The following USH2A variants were observed in gnomAD, a reference collection of about 807,000 sequenced individuals.
USH2A encodes the protein Usher syndrome 2A (autosomal recessive, mild).
A neutral mutation model predicts 538.9 loss-of-function variants in USH2A; 443 were observed. That is an observed-to-expected ratio of 0.82 (90% CI 0.76 to 0.89). The LOEUF (loss-of-function observed/expected upper bound fraction) is 0.89, where lower values mean the gene tolerates loss of function less well. Among genes scored for constraint, USH2A ranks in the 40% least tolerant of loss-of-function variants. The pLI is 0.00. For missense variants in USH2A, 6,633 were observed against 6,324.8 expected, an observed-to-expected ratio of 1.05 and a Z score of -1.65; for synonymous variants, 2,413 against 2,273.5, an observed-to-expected ratio of 1.06 and a Z score of -1.75.
chr1:216,190,217 G>A lies in USH2A; in HGVS notation c.4396+6C>T, dbSNP rs2034687129. The A allele has an allele frequency of 6.2e-7, 1 of 1,611,712 alleles. No homozygotes were observed. The highest frequency in any genetic ancestry group is 1.7e-5 in the Admixed American group (1 of 59,766). On this transcript the variant is annotated splice_donor_region_variant and intron_variant, in intron 20 of 71. Transcript: ENST00000307340. Reference sequence around the variant, plus strand: ...AGATTTTTCATATCCATTAAAACTTGCTTACCTGCTGCTAAAGTTTGTCCT... The same window carrying A: ...AGATTTTTCATATCCATTAAAACTTACTTACCTGCTGCTAAAGTTTGTCCT...
chr1:215,912,453 G>GTGTA (rs1314401856), intron 38 of USH2A, among the ~76,000 whole-genome samples: 7 of 42,982 alleles, frequency 1.6e-4, no homozygotes, highest in Non-Finnish European at 2.3e-4. Context: ...GTAGGTATGT[G>GTGTA]TATATATATA....
At chr1:215,861,734 T>G (rs772285434) in intron 44 of USH2A, among the ~76,000 whole-genome samples, 3 of 151,994 alleles carry the variant, frequency 2.0e-5, no homozygotes, top group Non-Finnish European at 4.4e-5. Flanking sequence ...TGGCCATGAC[T>G]AATTGCAAGG....
intron 21 of USH2A, among the ~76,000 whole-genome samples, chr1:216,105,899 G>C (rs2032718722): frequency 6.6e-6 from 1 of 151,486 alleles, no homozygotes; most frequent in Non-Finnish European, 1.5e-5. Context: ...TTTATTGCTA[G>C]TATGTTCAAT....
chr1:216,163,714 C>T (rs577530254), intron 21 of USH2A, among the ~76,000 whole-genome samples: 2 of 151,778 alleles, frequency 1.3e-5, no homozygotes, highest in Admixed American at 6.6e-5. Context: ...ATGATTTGCT[C>T]TTCTAGGATT....
chr1:216,011,187 A>G (rs1571886707), intron 32 of USH2A, among the ~76,000 whole-genome samples: 1 of 151,920 alleles, frequency 6.6e-6, no homozygotes, highest in African/African-American at 2.4e-5. Flanking sequence ...ATGGTGCCAA[A>G]CCCGTATACT....
chr1:215,695,804 T>C (rs1046734990), intron 61 of USH2A, among the ~76,000 whole-genome samples: 6 of 152,110 alleles, frequency 3.9e-5, no homozygotes, highest in African/African-American at 1.2e-4. Flanking sequence ...CAGGCTGGAG[T>C]ACAGTGGAAC....
In USH2A at chr1:216,174,825, C is replaced by T. The variant is rs551897704; in HGVS notation, c.4627+427G>A. 96 of 1,016,400 alleles carry T rather than the reference C, an allele frequency of 9.4e-5. 3 individuals are homozygous for T. In the South Asian group the frequency reaches 3.3e-3, roughly 35 times the overall value. The allele number at this position is 1,016,400 out of a possible 1,614,324, so 63.0% of individuals were successfully genotyped here. ...TATCTGTTAGGCATGATTAGCTAAG[C>T]AAAGTTGAATAGCTTTCTTACAATG... On this transcript the variant is annotated intron_variant, in intron 21 of 71. Transcript: ENST00000307340.
intron 22 of USH2A, among the ~76,000 whole-genome samples, chr1:216,089,943 A>C (rs2032254156): frequency 6.6e-6 from 1 of 152,030 alleles, no homozygotes; most frequent in Admixed American, 6.6e-5. Flanking sequence ...TTCTGTGTTA[A>C]GTGAATAAGA....
chr1:215,949,401 A>AT (rs141171695), intron 37 of USH2A, among the ~76,000 whole-genome samples: 4,877 of 152,172 alleles, frequency 0.032, 123 homozygotes, highest in South Asian at 0.084. Flanking sequence ...TATTGCTGTC[A>AT]TTTTTTCAAC....
chr1:215,805,522 C>A (rs1164646740), intron 49 of USH2A, among the ~76,000 whole-genome samples: 1 of 151,910 alleles, frequency 6.6e-6, no homozygotes, highest in African/African-American at 2.4e-5. Flanking sequence ...AATGATTGTA[C>A]AACAATGCAA....
chr1:216,085,366 AGG>A (rs1269049622), intron 24 of USH2A, among the ~76,000 whole-genome samples: 3 of 152,182 alleles, frequency 2.0e-5, no homozygotes, highest in African/African-American at 7.2e-5. Flanking sequence ...TCTCCAGACC[AGG>A]TAGAGGTGGC....
chr1:215,852,778 A>C (rs1308930453), intron 44 of USH2A, among the ~76,000 whole-genome samples: 4 of 152,230 alleles, frequency 2.6e-5, no homozygotes, highest in Non-Finnish European at 4.4e-5. Flanking sequence ...CAAATCTTAA[A>C]GCTCCAAAAT....
intron 14 of USH2A, among the ~76,000 whole-genome samples, chr1:216,225,537 C>A (rs927172845): frequency 5.3e-5 from 8 of 152,226 alleles, no homozygotes; most frequent in African/African-American, 1.9e-4. Context: ...CCCATATGGC[C>A]ATGGGAAGCT....
intron 4 of USH2A, among the ~76,000 whole-genome samples, chr1:216,352,467 C>A (rs1252196527): frequency 6.6e-6 from 1 of 151,974 alleles, no homozygotes; most frequent in African/African-American, 2.4e-5. Context: ...AGAGATTTGA[C>A]AAGTGTAGCT....
rs150412417 is a variant in USH2A at position 216,248,664 on chromosome 1, T to C, written c.2168-1438A>G. 3.7e-3 allele frequency among the ~76,000 whole-genome samples: 556 copies of C among 152,206 alleles called. 3 individuals carry two copies. The highest frequency in any genetic ancestry group is 0.013 in the African/African-American group (526 of 41,566). On this transcript the variant is annotated intron_variant, in intron 12 of 71. Transcript: ENST00000307340. ...TAAGGAAAATAAAAAAGGACCACTA[T>C]TGCTGCAAATTTTAAAAATAACTGT...
intron 11 of USH2A, among the ~76,000 whole-genome samples, chr1:216,286,342 C>T (rs1374165348): frequency 1.3e-5 from 2 of 152,172 alleles, no homozygotes; most frequent in African/African-American, 4.8e-5. Context: ...TTCTCTCTTG[C>T]CTGCTGCCAT....
chr1:216,087,453 C>G (rs2032169949), intron 23 of USH2A, among the ~76,000 whole-genome samples: 1 of 152,056 alleles, frequency 6.6e-6, no homozygotes, highest in Non-Finnish European at 1.5e-5. Flanking sequence ...TCATGCACTC[C>G]CTGGTTTTGG....
intron 38 of USH2A, among the ~76,000 whole-genome samples, chr1:215,910,451 A>C (rs1203679654): frequency 6.6e-6 from 1 of 151,996 alleles, no homozygotes; most frequent in Admixed American, 6.6e-5. Flanking sequence ...TCATCAACGA[A>C]AGAAAGATTA....
chr1:216,308,936 G>A (rs1275767899), intron 9 of USH2A, among the ~76,000 whole-genome samples: 1 of 152,182 alleles, frequency 6.6e-6, no homozygotes, highest in Non-Finnish European at 1.5e-5. Context: ...ATGCTGAGCT[G>A]CATTGCAGCA....
Sources: allele counts gnomAD v4.1 joint callset (sites outside exome capture counted in the v4.1 genomes callset), GRCh38; gene constraint gnomAD v4.1.1; transcripts MANE v1.5; gene names NCBI Gene and HGNC (gene_info 2026-07-23, HGNC 2026-07-21).